Variants in RAD51B observed in about 807,000 individuals in gnomAD.
The protein encoded by RAD51B is DNA repair protein RAD51 homolog 2.
In RAD51B, 38 loss-of-function variants were observed where a neutral mutation model predicts 42.2. The observed-to-expected ratio is 0.90, with a 90% CI of 0.70 to 1.18. RAD51B has a LOEUF of 1.18. Ranked by LOEUF, RAD51B falls within the 50% of genes most tolerant of loss-of-function variation. The pLI is 0.00. For missense variants in RAD51B, 373 were observed against 400.7 expected, an observed-to-expected ratio of 0.93 and a Z score of 0.59; for synonymous variants, 154 against 145.2, an observed-to-expected ratio of 1.06 and a Z score of -0.43.
intron 10 of RAD51B, among the ~76,000 whole-genome samples, chr14:68,645,669 C>A (rs1248733128): frequency 6.6e-6 from 1 of 152,178 alleles, no homozygotes; most frequent in Non-Finnish European, 1.5e-5. Flanking sequence ...ACCTGTTTTT[C>A]TCCTTTTTTT....
At chr14:68,258,548 G>A (rs1371967863) in intron 7 of RAD51B, among the ~76,000 whole-genome samples, 1 of 152,028 alleles carries the variant, frequency 6.6e-6, no homozygotes, top group Non-Finnish European at 1.5e-5. Flanking sequence ...GTGTAACCGT[G>A]GAACATTGCG....
chr14:68,608,202 C>A (rs934869950), intron 10 of RAD51B, among the ~76,000 whole-genome samples: 3 of 152,246 alleles, frequency 2.0e-5, no homozygotes, highest in African/African-American at 7.2e-5. Context: ...CCAAACACCA[C>A]ATTTCCAGAA....
intron 7 of RAD51B, chr14:68,114,227 A>C (rs1308569998): frequency 1.2e-4 from 19 of 152,168 alleles, no homozygotes. Context: ...AGCCACAGCC[A>C]ACCCTTCAGC....
chr14:67,967,783 G>A (rs780159350), intron 7 of RAD51B, among the ~76,000 whole-genome samples: 6 of 152,182 alleles, frequency 3.9e-5, no homozygotes, highest in African/African-American at 7.2e-5. Context: ...CAAGGTGGAA[G>A]GTGCAAGCTG....
At position 68,529,231 on chromosome 14, in the gene RAD51B, C is replaced by G. The variant is rs2107342; in HGVS notation, c.1036+60981C>G. Among the ~76,000 whole-genome samples, 1,293 of 152,334 alleles carry G rather than the reference C, an allele frequency of 8.5e-3. 13 individuals are homozygous for G. The highest frequency in any genetic ancestry group is 0.022 in the African/African-American group (913 of 41,576). ...TTTGTTTTTGAGACAGGATCTCACT[C>G]TGTCACCCAGGCTGGAGTGCAGTGG... On this transcript the variant is annotated intron_variant, in intron 10 of 10. Coordinates refer to the RAD51B transcript ENST00000487270.
rs1555382630 is a variant in RAD51B at position 68,258,431 on chromosome 14, A to ACACACACTCT, written c.757-33452_757-33451insACACACTCTC. The stretch of plus-strand genomic sequence containing the variant: ...ACCACACACACACACACACACACAC[A>ACACACACTCT]CTCTCTCTCTCTCACACACACACAC... On this transcript the variant is annotated intron_variant, in intron 7 of 10. Coordinates refer to ENST00000471583, the MANE Select transcript of RAD51B (RefSeq NM_133510.4). Among the ~76,000 whole-genome samples, 1,028 of 149,094 alleles carry ACACACACTCT rather than the reference A, an allele frequency of 6.9e-3. 3 individuals are homozygous for ACACACACTCT. Among genetic ancestry groups the ACACACACTCT allele is most frequent in the Non-Finnish European group, 0.01 (692 of 67,132 alleles).
intron 8 of RAD51B, among the ~76,000 whole-genome samples, chr14:68,322,593 T>G: frequency 6.6e-6 from 1 of 152,240 alleles, no homozygotes; most frequent in East Asian, 1.9e-4. Flanking sequence ...TGGTACTCTA[T>G]CCATGTGTTT....
chr14:68,481,356 CAT>C (rs1258542748), downstream of RAD51B, among the ~76,000 whole-genome samples: 14 of 152,056 alleles, frequency 9.2e-5, no homozygotes, highest in African/African-American at 3.1e-4. Context: ...AAGAGGAAAA[CAT>C]ATCCTAATTC....
intron 8 of RAD51B, among the ~76,000 whole-genome samples, chr14:68,336,062 T>C (rs1326011955): frequency 6.6e-6 from 1 of 152,252 alleles, no homozygotes; most frequent in African/African-American, 2.4e-5. Flanking sequence ...GTTTCTTTAA[T>C]TGTAAAAGTA....
chr14:68,007,053 C>T (rs1247178416), intron 7 of RAD51B, among the ~76,000 whole-genome samples: 1 of 152,094 alleles, frequency 6.6e-6, no homozygotes, highest in Non-Finnish European at 1.5e-5. Context: ...CTCCTGGCAC[C>T]CTCTAATCTA....
At chr14:68,218,075 T>C (rs1171125461) in intron 7 of RAD51B, among the ~76,000 whole-genome samples, 1 of 152,204 alleles carries the variant, frequency 6.6e-6, no homozygotes, top group African/African-American at 2.4e-5. Flanking sequence ...AGACATGTCA[T>C]ACAACACTGA....
At chr14:68,298,562 G>A (rs373540809) in intron 8 of RAD51B, among the ~76,000 whole-genome samples, 10 of 152,170 alleles carry the variant, frequency 6.6e-5, no homozygotes, top group South Asian at 2.1e-4. Flanking sequence ...TCTTTTTACC[G>A]TCTAGAATTT....
intron 1 of RAD51B, among the ~76,000 whole-genome samples, chr14:67,821,248 G>A (rs1475948890): frequency 6.6e-6 from 1 of 152,172 alleles, no homozygotes; most frequent in Non-Finnish European, 1.5e-5. Flanking sequence ...AAAGGGGAGG[G>A]AATATGCTTA....
intron 9 of RAD51B, among the ~76,000 whole-genome samples, chr14:68,419,564 C>CAAGTGA (rs2084646313): frequency 6.6e-6 from 1 of 152,216 alleles, no homozygotes; most frequent in Non-Finnish European, 1.5e-5. Flanking sequence ...AGCATGAACT[C>CAAGTGA]CCCAGTCAAG....
chr14:68,452,753 T>C (rs1172397122), intron 9 of RAD51B, among the ~76,000 whole-genome samples: 4 of 152,118 alleles, frequency 2.6e-5, no homozygotes, highest in Non-Finnish European at 4.4e-5. Context: ...CATTTTTCAC[T>C]AATTTCTTTC....
intron 7 of RAD51B, among the ~76,000 whole-genome samples, chr14:68,152,175 T>C (rs1241151909): frequency 1.3e-5 from 2 of 152,146 alleles, no homozygotes; most frequent in African/African-American, 4.8e-5. Flanking sequence ...TCGTGTTATG[T>C]AGCTTTGAAA....
chr14:68,376,609 A>G (rs1360556036), intron 8 of RAD51B, among the ~76,000 whole-genome samples: 1 of 152,118 alleles, frequency 6.6e-6, no homozygotes. Context: ...CAGGGACCCA[A>G]GTGGGGTGAC....
chr14:67,846,547 G>A (rs1022916475), intron 4 of RAD51B, among the ~76,000 whole-genome samples: 1 of 152,120 alleles, frequency 6.6e-6, no homozygotes, highest in Non-Finnish European at 1.5e-5. Flanking sequence ...TGCAGTCAGT[G>A]GTGGTCTGGT....
intron 10 of RAD51B, among the ~76,000 whole-genome samples, chr14:68,473,631 A>G (rs186318770): frequency 6.6e-6 from 1 of 152,350 alleles, no homozygotes; most frequent in African/African-American, 2.4e-5. Flanking sequence ...TAAATACAGA[A>G]CAGTACAGAA....
Sources: allele counts gnomAD v4.1 joint callset (sites outside exome capture counted in the v4.1 genomes callset), GRCh38; gene constraint gnomAD v4.1.1; transcripts MANE v1.5; gene names NCBI Gene and HGNC (gene_info 2026-07-23, HGNC 2026-07-21).